SAMD4A: variants seen among roughly 807,000 people sequenced by gnomAD.
SAMD4A encodes the protein sterile alpha motif domain containing 4A.
SAMD4A carries 33 observed loss-of-function variants against 81.3 expected under a neutral mutation model. That is an observed-to-expected ratio of 0.41 (90% CI 0.31 to 0.54). The LOEUF (loss-of-function observed/expected upper bound fraction) is 0.54. SAMD4A is among the 20% of genes least tolerant of loss of function. The probability of loss-of-function intolerance (pLI) is 0.37; values close to 1 mark genes in which losing one functional copy is unlikely to be tolerated. For missense variants in SAMD4A, 854 were observed against 951.1 expected, an observed-to-expected ratio of 0.90 and a Z score of 1.34; for synonymous variants, 389 against 382.1, an observed-to-expected ratio of 1.02 and a Z score of -0.21.
chr14:54,684,716 C>T (rs2036216517), intron 2 of SAMD4A, among the ~76,000 whole-genome samples: 1 of 151,688 alleles, frequency 6.6e-6, no homozygotes, highest in Non-Finnish European at 1.5e-5. Flanking sequence ...GCTGCAGCTG[C>T]CCACAGCTGT....
intron 2 of SAMD4A, chr14:54,694,899 G>A: frequency 1.0e-6 from 1 of 985,548 alleles, no homozygotes; most frequent in Non-Finnish European, 1.2e-6. Flanking sequence ...CTCCATGGAA[G>A]AAATGACCAG....
chr14:54,743,655 T>C (rs1017913767), intron 4 of SAMD4A, among the ~76,000 whole-genome samples: 1 of 152,184 alleles, frequency 6.6e-6, no homozygotes, highest in African/African-American at 2.4e-5. Flanking sequence ...GTGTCTAACA[T>C]GTCAAAGTGG....
chr14:54,684,397 C>T (rs1362691146), intron 2 of SAMD4A, among the ~76,000 whole-genome samples: 2 of 152,244 alleles, frequency 1.3e-5, no homozygotes, highest in Admixed American at 6.5e-5. Context: ...AACTTTCCTG[C>T]CTCAAGCTTT....
chr14:54,586,666 C>T (rs2033629882), intron 2 of SAMD4A, among the ~76,000 whole-genome samples: 1 of 152,152 alleles, frequency 6.6e-6, no homozygotes, highest in South Asian at 2.1e-4. Flanking sequence ...ATCCCAGCAC[C>T]ATTTGTTGAA....
At chr14:54,599,791 C>T (rs12323774) in intron 2 of SAMD4A, among the ~76,000 whole-genome samples, 36,952 of 152,146 alleles carry the variant, frequency 0.24, 4,644 homozygotes, top group South Asian at 0.31. Context: ...AACACTATTC[C>T]GAAGTTTTTG....
chr14:54,595,117 A>G (rs2033877798), intron 2 of SAMD4A, among the ~76,000 whole-genome samples: 1 of 152,174 alleles, frequency 6.6e-6, no homozygotes, highest in Non-Finnish European at 1.5e-5. Flanking sequence ...TTTTCCATTC[A>G]TCTGGAATAC....
intron 3 of SAMD4A, among the ~76,000 whole-genome samples, chr14:54,712,903 A>G (rs536995761): frequency 6.6e-6 from 1 of 152,252 alleles, no homozygotes; most frequent in East Asian, 1.9e-4. Context: ...AATAGGATGG[A>G]TTCTGGCTGG....
chr14:54,583,670 A>G (rs1458625003), intron 2 of SAMD4A, among the ~76,000 whole-genome samples: 1 of 151,894 alleles, frequency 6.6e-6, no homozygotes, highest in African/African-American at 2.4e-5. Flanking sequence ...ACATTCTGAC[A>G]CTCCTTGACA....
intron 3 of SAMD4A, among the ~76,000 whole-genome samples, chr14:54,732,543 A>G (rs2037583412): frequency 6.6e-6 from 1 of 152,176 alleles, no homozygotes; most frequent in Non-Finnish European, 1.5e-5. Context: ...ATAAATTATT[A>G]AAAATTATGC....
At chr14:54,730,015 G>A (rs1392014156) in intron 3 of SAMD4A, among the ~76,000 whole-genome samples, 1 of 152,236 alleles carries the variant, frequency 6.6e-6, no homozygotes, top group Non-Finnish European at 1.5e-5. Context: ...GCTGACAAAA[G>A]AGGACAGATG....
At chr14:54,702,679 C>A in intron 3 of SAMD4A, 99 bp downstream of exon 3, 1 of 1,392,286 alleles carries the variant, frequency 7.2e-7, no homozygotes, top group Non-Finnish European at 9.9e-7. Context: ...ACCCTGTGAC[C>A]CTGGGAGAGA....
intron 2 of SAMD4A, among the ~76,000 whole-genome samples, chr14:54,610,102 A>T (rs909056888): frequency 7.7e-4 from 117 of 152,226 alleles, no homozygotes; most frequent in Non-Finnish European, 1.4e-3. Flanking sequence ...TTAATTTTAG[A>T]TATGACCCTG....
chr14:54,651,175 T>G (rs1454536667), intron 2 of SAMD4A, among the ~76,000 whole-genome samples: 2 of 152,198 alleles, frequency 1.3e-5, no homozygotes, highest in African/African-American at 4.8e-5. Context: ...TCTCTTGGTT[T>G]AGAATTCCTC....
At chr14:54,761,474 T>A (rs1425835047) in intron 7 of SAMD4A, among the ~76,000 whole-genome samples, 1 of 152,254 alleles carries the variant, frequency 6.6e-6, no homozygotes, top group African/African-American at 2.4e-5. Context: ...ACCTCCATTC[T>A]ACACTCCAGA....
intron 2 of SAMD4A, among the ~76,000 whole-genome samples, chr14:54,656,344 G>C (rs1434933787): frequency 6.6e-6 from 1 of 152,084 alleles, no homozygotes; most frequent in Non-Finnish European, 1.5e-5. Context: ...ACCATCAAAG[G>C]CTTCTCTCTC....
intron 8 of SAMD4A, among the ~76,000 whole-genome samples, chr14:54,765,244 A>G (rs2038505751): frequency 6.6e-6 from 1 of 152,172 alleles, no homozygotes; most frequent in Non-Finnish European, 1.5e-5. Flanking sequence ...AAAGAGCTAC[A>G]GCAGCAAGGC....
At chr14:54,759,633 C>T (rs2038337947) in intron 6 of SAMD4A, among the ~76,000 whole-genome samples, 1 of 152,206 alleles carries the variant, frequency 6.6e-6, no homozygotes, top group Non-Finnish European at 1.5e-5. Flanking sequence ...TTGGTTAAGC[C>T]ATTTGCCCAG....
intron 2 of SAMD4A, among the ~76,000 whole-genome samples, chr14:54,649,898 A>G (rs1004723963): frequency 6.6e-6 from 1 of 152,214 alleles, no homozygotes; most frequent in South Asian, 2.1e-4. Flanking sequence ...TCCCATTAAA[A>G]TGGCACATCT....
intron 2 of SAMD4A, among the ~76,000 whole-genome samples, chr14:54,683,027 G>T (rs2036166539): frequency 6.6e-6 from 1 of 152,150 alleles, no homozygotes; most frequent in Non-Finnish European, 1.5e-5. Flanking sequence ...GAAGCTGAGT[G>T]CCCCAAGGGT....
Sources: allele counts gnomAD v4.1 joint callset (sites outside exome capture counted in the v4.1 genomes callset), GRCh38; gene constraint gnomAD v4.1.1; transcripts MANE v1.5; gene names NCBI Gene and HGNC (gene_info 2026-07-23, HGNC 2026-07-21).